The following MAP2K4 variants were observed in gnomAD, a reference collection of about 807,000 sequenced individuals.
MAP2K4 encodes the protein mitogen-activated protein kinase kinase 4.
In MAP2K4, 4 loss-of-function variants were observed where a neutral mutation model predicts 48.5. The ratio of observed to expected loss-of-function variants is 0.08; its 90% CI spans 0.04 to 0.19. MAP2K4 has a LOEUF of 0.19. Ranked by LOEUF, MAP2K4 falls within the 10% of genes least tolerant of loss-of-function variation. MAP2K4 has a pLI of 1.00. For synonymous variants in MAP2K4, 166 were observed against 173.1 expected, an observed-to-expected ratio of 0.96 and a Z score of 0.32; for missense variants, 258 against 493.3, an observed-to-expected ratio of 0.52 and a Z score of 4.52.
intron 7 of MAP2K4, chr17:12,116,016 C>A (rs1026463821): frequency 3.5e-5 from 13 of 369,538 alleles, no homozygotes; most frequent in Admixed American, 7.3e-5. Flanking sequence ...GAGAAAAAAA[C>A]CAAATGACCG....
chr17:12,126,583 T>TA (rs1972860886), intron 8 of MAP2K4, among the ~76,000 whole-genome samples: 1 of 152,178 alleles, frequency 6.6e-6, no homozygotes, highest in African/African-American at 2.4e-5. Context: ...GGGTCTTTCT[T>TA]ACAAGGGCAC....
chr17:12,137,706 A>G (rs1973249405), intron 9 of MAP2K4, among the ~76,000 whole-genome samples: 1 of 152,196 alleles, frequency 6.6e-6, no homozygotes, highest in South Asian at 2.1e-4. Context: ...ATCATAGGGG[A>G]AAGAAAACAT....
intron 9 of MAP2K4, among the ~76,000 whole-genome samples, chr17:12,135,423 G>T (rs1268557991): frequency 6.6e-6 from 1 of 152,088 alleles, no homozygotes; most frequent in Non-Finnish European, 1.5e-5. Context: ...GTAGAGACTG[G>T]ATTTCACTGT....
intron 4 of MAP2K4, among the ~76,000 whole-genome samples, chr17:12,106,497 A>G (rs1972117023): frequency 6.6e-6 from 1 of 152,170 alleles, no homozygotes; most frequent in Admixed American, 6.6e-5. Flanking sequence ...CATTAGGGAC[A>G]GTGGATTCTA....
chr17:12,074,125 C>G (rs1567646067), intron 2 of MAP2K4, among the ~76,000 whole-genome samples: 1 of 152,026 alleles, frequency 6.6e-6, no homozygotes, highest in Non-Finnish European at 1.5e-5. Flanking sequence ...TTTCTGTCTT[C>G]CACGTCTATA....
chr17:12,055,578 A>G (rs1000323258), intron 2 of MAP2K4, among the ~76,000 whole-genome samples: 3 of 152,102 alleles, frequency 2.0e-5, no homozygotes, highest in Admixed American at 6.5e-5. Flanking sequence ...GTTGAGAACT[A>G]TAAAGCAAGT....
chr17:12,047,428 C>T (rs535178938), intron 1 of MAP2K4, among the ~76,000 whole-genome samples: 71 of 152,210 alleles, frequency 4.7e-4, no homozygotes, highest in African/African-American at 1.5e-3. Flanking sequence ...GCAGGTATGG[C>T]GCTAAGGCAG....
intron 2 of MAP2K4, chr17:12,069,611 ATTC>A: frequency 3.4e-6 from 2 of 588,416 alleles, no homozygotes; most frequent in African/African-American, 2.0e-5. Flanking sequence ...TGTTTGAGCC[ATTC>A]TTCTGGACAT....
intron 2 of MAP2K4, among the ~76,000 whole-genome samples, chr17:12,059,754 CTAGTTAATAACTAA>C (rs1268392221): frequency 2.6e-5 from 4 of 152,204 alleles, no homozygotes; most frequent in African/African-American, 7.2e-5. Context: ...TTCAAAGTCC[CTAGTTAATAACTAA>C]TATTCCTCGT....
At chr17:12,072,814 A>T (rs1334956639) in intron 2 of MAP2K4, among the ~76,000 whole-genome samples, 1 of 152,168 alleles carries the variant, frequency 6.6e-6, no homozygotes, top group Non-Finnish European at 1.5e-5. Context: ...TCCTTTTCTC[A>T]TCGACATGTT....
chr17:12,048,041 TC>T (rs1356024356), intron 1 of MAP2K4, among the ~76,000 whole-genome samples: 4 of 152,182 alleles, frequency 2.6e-5, no homozygotes, highest in Admixed American at 2.0e-4. Context: ...CATTTCTTTT[TC>T]TTTTTTTTTG....
At chr17:12,107,382 CTTTTTTTT>C (rs71367383) in intron 4 of MAP2K4, among the ~76,000 whole-genome samples, 5 of 106,384 alleles carry the variant, frequency 4.7e-5, no homozygotes, top group East Asian at 2.7e-4. Context: ...TGTCTTTTTC[CTTTTTTTT>C]TTTTTTTTTT....
chr17:12,106,396 AC>A (rs1288256625), intron 4 of MAP2K4, among the ~76,000 whole-genome samples: 1 of 152,176 alleles, frequency 6.6e-6, no homozygotes, highest in Non-Finnish European at 1.5e-5. Context: ...AATATGCTTT[AC>A]AAAAACATTA....
At chr17:12,073,533 A>G (rs1024655605) in intron 2 of MAP2K4, among the ~76,000 whole-genome samples, 4 of 152,202 alleles carry the variant, frequency 2.6e-5, no homozygotes, top group African/African-American at 9.6e-5. Context: ...TTTGAACCAT[A>G]GGCATGTAAT....
At chr17:12,036,198 T>C (rs982829707) in intron 1 of MAP2K4, among the ~76,000 whole-genome samples, 14 of 152,234 alleles carry the variant, frequency 9.2e-5, no homozygotes, top group Non-Finnish European at 1.9e-4. Flanking sequence ...GTGTCATGTT[T>C]CCTTTAATAC....
In MAP2K4 at chr17:12,141,391, A is replaced by C. The variant is rs1973373529; in HGVS notation, c.*131A>C. ...TGCAATAAGATTGGTGTTCGTTTCC[A>C]TCATGTCTGTATACTCCTGTCACCT... On this transcript the variant is annotated 3_prime_UTR_variant, in exon 11 of 11. Coordinates refer to ENST00000353533, the MANE Select transcript of MAP2K4 (RefSeq NM_003010.4). 2 of 705,126 alleles carry C rather than the reference A, an allele frequency of 2.8e-6. No homozygotes were observed. The highest frequency in any genetic ancestry group is 5.1e-6 in the Non-Finnish European group (2 of 392,834). The allele number at this position is 705,126 out of a possible 1,614,324, so 43.7% of individuals were successfully genotyped here.
chr17:12,140,456 T>C (rs1038254461), intron 10 of MAP2K4, among the ~76,000 whole-genome samples: 2 of 152,208 alleles, frequency 1.3e-5, no homozygotes, highest in African/African-American at 4.8e-5. Context: ...GACAAACTTA[T>C]ATCACAGTCC....
At position 12,143,356 on chromosome 17, in the gene MAP2K4, T is replaced by G. The variant is rs1044691395; in HGVS notation, c.*2096T>G. 2 of 232,730 alleles carry G rather than the reference T, an allele frequency of 8.6e-6. No homozygotes were observed. The highest frequency in any genetic ancestry group is 2.2e-5 in the African/African-American group (1 of 45,326). 14.4% of individuals were successfully genotyped at this position (232,730 alleles called of 1,614,324 possible). On this transcript the variant is annotated 3_prime_UTR_variant, in exon 11 of 11. Coordinates refer to ENST00000353533, the MANE Select transcript of MAP2K4 (RefSeq NM_003010.4). ...GCAATTTTAGTGTATTAATCATAGA[T>G]TATTATAAACTATAAACTTAAGGGC...
At chr17:12,051,372 A>G (rs562781782) in intron 1 of MAP2K4, among the ~76,000 whole-genome samples, 2 of 152,308 alleles carry the variant, frequency 1.3e-5, no homozygotes, top group South Asian at 4.1e-4. Context: ...TCCCAAATCA[A>G]TAAACATTTG....
Sources: allele counts gnomAD v4.1 joint callset (sites outside exome capture counted in the v4.1 genomes callset), GRCh38; gene constraint gnomAD v4.1.1; transcripts MANE v1.5; gene names NCBI Gene and HGNC (gene_info 2026-07-23, HGNC 2026-07-21).